The following SRPK2 variants were observed in gnomAD, a reference collection of about 807,000 sequenced individuals.
The protein encoded by SRPK2 is SRSF protein kinase 2.
A neutral mutation model predicts 90.8 loss-of-function variants in SRPK2; 21 were observed. The observed-to-expected ratio is 0.23, with a 90% CI of 0.16 to 0.33. SRPK2 has a LOEUF of 0.33. Among genes scored for constraint, SRPK2 ranks in the 10% least tolerant of loss-of-function variants. The pLI, the probability that SRPK2 is intolerant of heterozygous loss-of-function variation, is 1.00. For missense variants in SRPK2, 620 were observed against 869.0 expected (o/e 0.71, Z 3.60); for synonymous variants, 288 against 311.1 (o/e 0.93, Z 0.78).
intron 2 of SRPK2, among the ~76,000 whole-genome samples, chr7:105,251,299 T>C (rs1802447694): frequency 6.6e-6 from 1 of 152,138 alleles, no homozygotes; most frequent in Non-Finnish European, 1.5e-5. Context: ...TCTAGAGAAG[T>C]CTTTCATTTA....
intron 2 of SRPK2, among the ~76,000 whole-genome samples, chr7:105,366,977 G>GT (rs1489937226): frequency 6.6e-6 from 1 of 152,040 alleles, no homozygotes; most frequent in African/African-American, 2.4e-5. Flanking sequence ...GTGTCACTCC[G>GT]TGAGTCCCAT....
Position 105,374,267 on chromosome 7 carries a change from T to C in SRPK2, c.71+14381A>G, listed in dbSNP as rs148599830. 5.5e-4 allele frequency among the ~76,000 whole-genome samples: 84 copies of C among 152,308 alleles called. 1 individual carries two copies. The highest frequency in any genetic ancestry group is 1.8e-3 in the African/African-American group (74 of 41,570). On this transcript the variant is annotated intron_variant, in intron 2 of 15. Coordinates refer to ENST00000393651, the MANE Select transcript of SRPK2 (RefSeq NM_182692.3). ...TCTTATTCTTCATTAAGTATAACAG[T>C]CTAAGTCAAAAAAACCTTTAATTTT...
At chr7:105,352,861 G>C (rs1285764744) in intron 2 of SRPK2, among the ~76,000 whole-genome samples, 1 of 151,742 alleles carries the variant, frequency 6.6e-6, no homozygotes, top group Non-Finnish European at 1.5e-5. Flanking sequence ...GATTGCACCA[G>C]TGCACTCCAG....
intron 2 of SRPK2, among the ~76,000 whole-genome samples, chr7:105,294,030 G>C (rs1439815933): frequency 6.6e-6 from 1 of 152,078 alleles, no homozygotes; most frequent in Non-Finnish European, 1.5e-5. Flanking sequence ...CCAATCCCTC[G>C]GAGTGATACA....
At chr7:105,311,846 G>A (rs1811741060) in intron 2 of SRPK2, among the ~76,000 whole-genome samples, 1 of 152,104 alleles carries the variant, frequency 6.6e-6, no homozygotes, top group African/African-American at 2.4e-5. Flanking sequence ...CTATGACCCA[G>A]CAATTATATT....
chr7:105,293,840 C>T (rs966165344), intron 2 of SRPK2, among the ~76,000 whole-genome samples: 1 of 152,206 alleles, frequency 6.6e-6, no homozygotes, highest in African/African-American at 2.4e-5. Context: ...CACTATAAGT[C>T]AATGCTTTTA....
intron 2 of SRPK2, among the ~76,000 whole-genome samples, chr7:105,378,194 C>T (rs1328606949): frequency 1.3e-5 from 2 of 152,010 alleles, no homozygotes; most frequent in Non-Finnish European, 2.9e-5. Context: ...TTGCCCTGCC[C>T]CCTTATTTTA....
At chr7:105,212,882 A>C (rs1028459686) in intron 2 of SRPK2, among the ~76,000 whole-genome samples, 2 of 152,188 alleles carry the variant, frequency 1.3e-5, no homozygotes, top group African/African-American at 4.8e-5. Context: ...CTACATGTGT[A>C]CTGAACATGT....
chr7:105,312,396 T>C (rs566003037), intron 2 of SRPK2, among the ~76,000 whole-genome samples: 2 of 131,140 alleles, frequency 1.5e-5, no homozygotes, highest in Non-Finnish European at 3.1e-5. Flanking sequence ...GCCGAGATCA[T>C]GCCACTGCAC....
intron 2 of SRPK2, among the ~76,000 whole-genome samples, chr7:105,207,434 GATTAAAAA>G (rs1796350662): frequency 1.3e-5 from 2 of 151,864 alleles, no homozygotes; most frequent in African/African-American, 4.8e-5. Flanking sequence ...TCTATCAACA[GATTAAAAA>G]AAACAACTTT....
intron 2 of SRPK2, among the ~76,000 whole-genome samples, chr7:105,268,113 A>C (rs370890710): frequency 6.6e-6 from 1 of 152,244 alleles, no homozygotes; most frequent in Non-Finnish European, 1.5e-5. Context: ...TTATAAGGCA[A>C]AACAGTCATT....
At chr7:105,208,878 T>A (rs936826377) in intron 2 of SRPK2, among the ~76,000 whole-genome samples, 7 of 152,074 alleles carry the variant, frequency 4.6e-5, no homozygotes, top group African/African-American at 1.7e-4. Context: ...TCCCAGCCAT[T>A]TGGGACACTG....
At chr7:105,375,171 T>C (rs78715829) in intron 2 of SRPK2, among the ~76,000 whole-genome samples, 3 of 152,304 alleles carry the variant, frequency 2.0e-5, no homozygotes, top group South Asian at 2.1e-4. Flanking sequence ...AAATTTATGT[T>C]TAAAAAAATG....
intron 1 of SRPK2, among the ~76,000 whole-genome samples, chr7:105,397,091 C>T (rs1231952472): frequency 6.6e-6 from 1 of 152,030 alleles, no homozygotes; most frequent in Non-Finnish European, 1.5e-5. Context: ...GATCTCAGCT[C>T]ACTACAACTT....
intron 2 of SRPK2, among the ~76,000 whole-genome samples, chr7:105,385,940 CTGAAATTATCT>C (rs1821532688): frequency 6.6e-6 from 1 of 152,196 alleles, no homozygotes; most frequent in Non-Finnish European, 1.5e-5. Flanking sequence ...TTAGCCCTAT[CTGAAATTATCT>C]TGTCACCCTC....
At chr7:105,115,531 AT>A (rs1287457280), downstream of SRPK2, 1 of 152,224 alleles carries the variant, frequency 6.6e-6, no homozygotes, top group Non-Finnish European at 1.5e-5. Context: ...TAGATAGGAC[AT>A]TCAATTGAAG....
intron 6 of SRPK2, among the ~76,000 whole-genome samples, chr7:105,167,173 A>T (rs1240416841): frequency 7.9e-5 from 12 of 152,200 alleles, no homozygotes; most frequent in Non-Finnish European, 1.8e-4. Context: ...GTTGTGTTAA[A>T]AATAAGTTTC....
At chr7:105,366,583 C>A (rs1174210519) in intron 2 of SRPK2, among the ~76,000 whole-genome samples, 1 of 151,384 alleles carries the variant, frequency 6.6e-6, no homozygotes, top group Non-Finnish European at 1.5e-5. Flanking sequence ...TTGGGCCAGG[C>A]TGATCTCAAA....
At chr7:105,361,556 G>A (rs1214518192) in intron 2 of SRPK2, among the ~76,000 whole-genome samples, 4 of 152,086 alleles carry the variant, frequency 2.6e-5, no homozygotes, top group South Asian at 2.1e-4. Flanking sequence ...GAGGCATCAT[G>A]CTACCTGACT....
Sources: allele counts gnomAD v4.1 joint callset (sites outside exome capture counted in the v4.1 genomes callset), GRCh38; gene constraint gnomAD v4.1.1; transcripts MANE v1.5; gene names NCBI Gene and HGNC (gene_info 2026-07-23, HGNC 2026-07-21).